Variants in ATCAY observed in about 807,000 individuals in gnomAD.
The protein encoded by ATCAY is caytaxin.
ATCAY carries 22 observed loss-of-function variants against 47.7 expected under a neutral mutation model. The ratio of observed to expected loss-of-function variants is 0.46; its 90% CI spans 0.33 to 0.66. The LOEUF is 0.66. Ranked by LOEUF, ATCAY falls within the 30% of genes least tolerant of loss-of-function variation. The probability of loss-of-function intolerance (pLI) is 0.02; values close to 1 mark genes in which losing one functional copy is unlikely to be tolerated. For synonymous variants in ATCAY, 216 were observed against 207.6 expected, an observed-to-expected ratio of 1.04 and a Z score of -0.35; for missense variants, 452 against 515.0, an observed-to-expected ratio of 0.88 and a Z score of 1.18.
Position 3,889,965 on chromosome 19 carries a change from G to A in ATCAY, c.77+4121G>A, listed in dbSNP as rs58108875. ...TTTTCTTTTCTTTTTTTTTTTTTGA[G>A]ACAGAGTCTCGCTCTGTCACCCAGG... On this transcript the variant is annotated intron_variant, in intron 2 of 12. Transcript: ENST00000450849. 6.3e-5 allele frequency among the ~76,000 whole-genome samples: 9 copies of A among 143,886 alleles called. No homozygotes were observed. The East Asian group carries it at 1.8e-3, about 29-fold the overall frequency. The allele number at this position is 143,886 out of a possible 152,430, so 94.4% of individuals were successfully genotyped here. A position where few individuals can be genotyped will look rare whatever the true frequency, so the allele number is the denominator to read the frequency against.
Position 3,896,965 on chromosome 19 carries a change from C to T in ATCAY, c.78-5522C>T, listed in dbSNP as rs2038775103. Among the ~76,000 whole-genome samples the T allele has an allele frequency of 2.0e-5, 3 of 151,706 alleles. No individual in the cohort carries two copies. In the South Asian group the frequency reaches 6.3e-4, roughly 32 times the overall value. On this transcript the variant is annotated intron_variant, in intron 2 of 12. Transcript: ENST00000450849. ...CTAATTTTTGTGTTTTTATTAGAGA[C>T]AGGGTTTTGCCATGCTGACCAGGCT...
At chr19:3,903,884 A>G (rs945935194) in intron 3 of ATCAY, among the ~76,000 whole-genome samples, 3 of 150,782 alleles carry the variant, frequency 2.0e-5, no homozygotes, top group African/African-American at 7.3e-5. Context: ...CACGCCTGTA[A>G]TCCCAGCACT....
At chr19:3,922,510 C>T (rs532250657) in intron 12 of ATCAY, among the ~76,000 whole-genome samples, 46 of 152,242 alleles carry the variant, frequency 3.0e-4, no homozygotes, top group African/African-American at 1.0e-3. Flanking sequence ...CACTGAGTAC[C>T]GCCCACGACA....
At chr19:3,919,002 C>T in intron 11 of ATCAY, 125 bp downstream of exon 11, 1 of 1,174,904 alleles carries the variant, frequency 8.5e-7, no homozygotes, top group Non-Finnish European at 1.2e-6. Context: ...AAGTGGCCGG[C>T]CATGGTGGCT....
chr19:3,897,344 G>A (rs980770432), intron 2 of ATCAY, among the ~76,000 whole-genome samples: 1 of 151,032 alleles, frequency 6.6e-6, no homozygotes, highest in Admixed American at 6.6e-5. Context: ...CTGTCATCCA[G>A]GCTGGAGTGC....
Position 3,925,862 on chromosome 19 carries a change from C to G in ATCAY, c.*1270C>G, listed in dbSNP as rs1280377927. 4 of 152,228 alleles carry G rather than the reference C, an allele frequency of 2.6e-5. No individual in the cohort carries two copies. The highest frequency in any genetic ancestry group is 4.8e-5 in the African/African-American group (2 of 41,422). 9.4% of individuals were successfully genotyped at this position (152,228 alleles called of 1,614,324 possible). ...TCTCTACTAAAAATACAAAAATTAG[C>G]CAGGCGTGGTGGCAGGTGCCTGTAA... On this transcript the variant is annotated 3_prime_UTR_variant, in exon 13 of 13. Transcript: ENST00000450849. The surrounding 1 kb of genome is among the most constrained non-coding windows in gnomAD (Gnocchi z 4.4).
In ATCAY at chr19:3,905,736, C is replaced by G. The variant is rs1023026453; in HGVS notation, c.358+81C>G. 5 of 1,317,686 alleles carry G rather than the reference C, an allele frequency of 3.8e-6. No individual in the cohort carries two copies. In the African/African-American group the frequency reaches 7.4e-5, roughly 19 times the overall value. The allele number at this position is 1,317,686 out of a possible 1,614,324, so 81.6% of individuals were successfully genotyped here. On this transcript the variant is annotated intron_variant, in intron 4 of 12. Transcript: ENST00000450849. ...TTCCGTCTCTGGATTCCCATAGGCT[C>G]AGAGAGTCACAAGTGGGGCAGGGGC...
chr19:3,882,581 T>C (rs999872565), intron 1 of ATCAY, among the ~76,000 whole-genome samples: 1 of 146,942 alleles, frequency 6.8e-6, no homozygotes. Flanking sequence ...TCCTCCTATC[T>C]CAGCCTCCCA....
rs543338321 is a variant in ATCAY, at chr19:3,918,940, G to A, written c.1073+63G>A. ...TCACGGGAGGCTGCCTACTCCCTTG[G>A]GGGAGGCTAGAGAGGAAGATGGGTC... is the stretch of plus-strand genomic sequence containing the variant. On this transcript the variant is annotated intron_variant, in intron 11 of 12. Transcript: ENST00000450849. The A allele has an allele frequency of 6.3e-6, 10 of 1,590,912 alleles. No homozygotes were observed. The East Asian group carries it at 2.2e-4, about 36-fold the overall frequency.
chr19:3,905,922 T>C (rs963261065), intron 4 of ATCAY, among the ~76,000 whole-genome samples: 19 of 151,744 alleles, frequency 1.3e-4, no homozygotes, highest in Admixed American at 1.3e-4. Flanking sequence ...CCTGTAATCC[T>C]AGCACTTTGG....
Position 3,902,469 on chromosome 19 carries a change from T to A in ATCAY, c.78-18T>A. On this transcript the variant is annotated intron_variant, in intron 2 of 12. Coordinates refer to ENST00000450849, the MANE Select transcript of ATCAY (RefSeq NM_033064.5). ...CTGGTGCCCGGCGACTGATGCCTGT[T>A]CCTGGATGGGTCCGCAGGCCACTCC... 6.4e-7 allele frequency: 1 copy of A among 1,565,232 alleles called. No homozygotes were observed. Among genetic ancestry groups the A allele is most frequent in the Non-Finnish European group, 8.7e-7 (1 of 1,155,066 alleles).
At position 3,884,954 on chromosome 19, in the gene ATCAY, A is replaced by G. The variant is rs2038634935; in HGVS notation, c.-41-773A>G. On this transcript the variant is annotated intron_variant, in intron 1 of 12. Coordinates refer to ENST00000450849, the MANE Select transcript of ATCAY (RefSeq NM_033064.5). ...TCTTAAAAAAAGATTTTAAAAAATTACCCAGGCATGATGGTACACACCTGT... is the reference window on the plus strand; with the variant it reads ...TCTTAAAAAAAGATTTTAAAAAATTGCCCAGGCATGATGGTACACACCTGT... Among the ~76,000 whole-genome samples, 4 of 151,506 alleles carry G rather than the reference A, an allele frequency of 2.6e-5. No individual in the cohort carries two copies. In the South Asian group the frequency reaches 8.4e-4, roughly 32 times the overall value.
At chr19:3,915,049 C>T (rs1201281510) in intron 9 of ATCAY, among the ~76,000 whole-genome samples, 1 of 152,168 alleles carries the variant, frequency 6.6e-6, no homozygotes, top group African/African-American at 2.4e-5. Context: ...CACTGAATGT[C>T]ATATCATCGG....
At chr19:3,888,475 CA>C (rs2038683562) in intron 2 of ATCAY, among the ~76,000 whole-genome samples, 1 of 151,540 alleles carries the variant, frequency 6.6e-6, no homozygotes, top group Non-Finnish European at 1.5e-5. Context: ...ACTAAAAATA[CA>C]AAAATTAGTC....
At chr19:3,914,275 G>A (rs11085048) in intron 9 of ATCAY, among the ~76,000 whole-genome samples, 100,413 of 141,184 alleles carry the variant, frequency 0.71, 36,847 homozygotes, top group East Asian at 0.98. Context: ...ACAATTCCAT[G>A]TGGCTGGCAA....
At chr19:3,904,895 T>C (rs1213838010) in intron 3 of ATCAY, among the ~76,000 whole-genome samples, 2 of 151,878 alleles carry the variant, frequency 1.3e-5, no homozygotes, top group African/African-American at 2.4e-5. Flanking sequence ...AGTTTCACTC[T>C]GTCACCCAGG....
chr19:3,907,204 G>T lies in ATCAY; in HGVS notation c.359-530G>T, dbSNP rs1448164390. Among the ~76,000 whole-genome samples, 2 of 151,940 alleles carry T rather than the reference G, an allele frequency of 1.3e-5. No homozygotes were observed. The highest frequency in any genetic ancestry group is 4.8e-5 in the African/African-American group (2 of 41,368). On this transcript the variant is annotated intron_variant, in intron 4 of 12. Coordinates refer to ENST00000450849, the MANE Select transcript of ATCAY (RefSeq NM_033064.5). The surrounding 1 kb of genome is among the most constrained non-coding windows in gnomAD (Gnocchi z 5.1). ...TCATTCCTGTAATCCCAGAGCTTCG[G>T]GAGGCCAGGGTAGGAGGATCGCTTA... is the stretch of plus-strand genomic sequence containing the variant.
intron 9 of ATCAY, 64 bp downstream of exon 9, chr19:3,913,920 C>T (rs1038067291): frequency 2.1e-6 from 3 of 1,444,756 alleles, no homozygotes; most frequent in Non-Finnish European, 9.7e-7. Context: ...TAAAGACACA[C>T]CTGAGACAGG....
chr19:3,885,198 C>T (rs988470403), intron 1 of ATCAY, among the ~76,000 whole-genome samples: 3 of 150,390 alleles, frequency 2.0e-5, no homozygotes, highest in Non-Finnish European at 3.0e-5. Flanking sequence ...GCGGGTAGAC[C>T]GCTTGAGCTC....
Sources: allele counts gnomAD v4.1 joint callset (sites outside exome capture counted in the v4.1 genomes callset), GRCh38; gene constraint gnomAD v4.1.1; non-coding constraint Gnocchi (gnomAD v3.1); transcripts MANE v1.5; gene names NCBI Gene and HGNC (gene_info 2026-07-23, HGNC 2026-07-21).